The following SMARCA4 variants were observed in gnomAD, a reference collection of about 807,000 sequenced individuals.
SMARCA4 encodes the protein SWI/SNF related BAF chromatin remodeling complex subunit ATPase 4, also known as SWI/SNF-related matrix-associated actin-dependent regulator of chromatin subfamily A member 4.
Under a neutral mutation model 193.9 loss-of-function variants are expected in SMARCA4, and 31 were observed. The observed-to-expected ratio is 0.16, with a 90% confidence interval of 0.12 to 0.22. The LOEUF is 0.22. Among genes scored for constraint, SMARCA4 ranks in the 10% least tolerant of loss-of-function variants. SMARCA4 has a pLI of 1.00. For missense variants in SMARCA4, 1,148 were observed against 2,296.0 expected, an observed-to-expected ratio of 0.50 and a Z score of 10.22; for synonymous variants, 942 against 933.1, an observed-to-expected ratio of 1.01 and a Z score of -0.17.
In SMARCA4 at chr19:10,991,170, G is replaced by T; in HGVS notation, c.1266G>T (p.Val422=). ...FQRQLRQEVV[V]CMRRDTALET... ...TACAGCTGCGCCAGGAGGTGGTGGTGTGCATGCGGAGGGACACAGCGCTGG... is the reference window on the plus strand; with the variant it reads ...TACAGCTGCGCCAGGAGGTGGTGGTTTGCATGCGGAGGGACACAGCGCTGG... The change falls in exon 8 of 35, where the codon GTG becomes GTT. Residue 422 remains valine (V), a synonymous_variant. Transcript: ENST00000344626. The T allele has an allele frequency of 6.2e-7, 1 of 1,613,816 alleles. No individual in the cohort carries two copies.
Position 11,019,707 on chromosome 19 carries a change from G to A in SMARCA4, c.2616+6G>A, listed in dbSNP as rs766415751. On this transcript the variant is annotated splice_donor_region_variant and intron_variant, in intron 18 of 34. Transcript: ENST00000344626. This position sits in a 1 kb window ranked among gnomAD's most constrained non-coding sequence, Gnocchi z 6.1. ...ACAAGCACATCCTCGCCAAGGTAAC[G>A]TGTCCCTGTGGGAAATGCCAGGCCA... 12 of 1,599,340 alleles carry A rather than the reference G, an allele frequency of 7.5e-6. No individual in the cohort carries two copies. The highest frequency in any genetic ancestry group is 1.7e-4 in the Middle Eastern group (1 of 6,030).
chr19:11,013,705 C>T (rs1242460768), intron 16 of SMARCA4, among the ~76,000 whole-genome samples: 4 of 152,146 alleles, frequency 2.6e-5, no homozygotes, highest in Non-Finnish European at 4.4e-5. Flanking sequence ...ACAAGAACCT[C>T]CCACTAGAAA....
intron 15 of SMARCA4, among the ~76,000 whole-genome samples, chr19:11,011,516 C>T (rs914670108): frequency 2.6e-5 from 4 of 152,200 alleles, no homozygotes; most frequent in African/African-American, 7.2e-5. Context: ...TAAGCCAGTG[C>T]ACCCAGCCCC....
rs373390083 is a variant in SMARCA4, at chr19:11,041,385, A to G, written c.4249A>G (p.Ser1417Gly). ...KKSSRKRKRD[S>G]DAGSSTPTTS... ...ATCATCACGGAAGCGCAAGCGAGACAGCGACGCCGGCTCCTCCACCCCGAC... is the reference window on the plus strand; with the variant it reads ...ATCATCACGGAAGCGCAAGCGAGACGGCGACGCCGGCTCCTCCACCCCGAC... The change falls in exon 30 of 35, where the codon AGC (serine) becomes GGC (glycine). Residue 1417 changes from serine (S) to glycine (G), a missense_variant. Ser to Gly is a moderately conservative substitution (Grantham distance 56). Transcript: ENST00000344626. The surrounding 1 kb of genome is among the most constrained non-coding windows in gnomAD (Gnocchi z 5.6). 4.3e-6 allele frequency: 7 copies of G among 1,612,612 alleles called. No homozygotes were observed. In the African/African-American group the frequency reaches 9.3e-5, roughly 22 times the overall value.
chr19:11,023,829 A>G (rs911698137), intron 20 of SMARCA4, among the ~76,000 whole-genome samples, 198 bp downstream of exon 20: 15 of 152,344 alleles, frequency 9.8e-5, no homozygotes, highest in Non-Finnish European at 1.9e-4. Context: ...ATAGGCTCAC[A>G]TAGCTCACAA....
chr19:11,054,993 A>T (rs796579807), intron 30 of SMARCA4, among the ~76,000 whole-genome samples: 2 of 152,056 alleles, frequency 1.3e-5, no homozygotes, highest in African/African-American at 4.8e-5. Context: ...AGGCTGCAGC[A>T]TGTCCCTCTT....
At chr19:11,003,597 TTTAAA>T (rs1199539959) in intron 13 of SMARCA4, among the ~76,000 whole-genome samples, 200 bp downstream of exon 13, 5 of 152,320 alleles carry the variant, frequency 3.3e-5, no homozygotes, top group African/African-American at 1.2e-4. Context: ...CCATTTCCAT[TTTAAA>T]TTAAATCAGT....
Position 11,030,316 on chromosome 19 carries a change from C to T in SMARCA4, c.3383-414C>T, listed in dbSNP as rs756609856. On this transcript the variant is annotated intron_variant, in intron 24 of 34. Coordinates refer to ENST00000344626, the MANE Select transcript of SMARCA4 (RefSeq NM_003072.5). This position sits in a 1 kb window ranked among gnomAD's most constrained non-coding sequence, Gnocchi z 5.5. ...ACCCCCAGGTCCCTTGTGTTGCGAGCGGCGGTGTTGCCGGCATTGGCCGCT... is the reference window on the plus strand; with the variant it reads ...ACCCCCAGGTCCCTTGTGTTGCGAGTGGCGGTGTTGCCGGCATTGGCCGCT... Among the ~76,000 whole-genome samples, 8 of 152,254 alleles carry T rather than the reference C, an allele frequency of 5.3e-5. No homozygotes were observed. The highest frequency in any genetic ancestry group is 5.9e-5 in the Non-Finnish European group (4 of 68,050).
rs2074824324 is a variant in SMARCA4, at chr19:11,030,172, A to G, written c.3383-558A>G. On this transcript the variant is annotated intron_variant, in intron 24 of 34. Transcript: ENST00000344626. This position sits in a 1 kb window ranked among gnomAD's most constrained non-coding sequence, Gnocchi z 5.5. ...CATGGGGACACTGATCCTGCCAGAA[A>G]GGACACGAGCCCCCTTTATAAGGTC... is the stretch of plus-strand genomic sequence containing the variant. Among the ~76,000 whole-genome samples the G allele has an allele frequency of 6.6e-6, 1 of 152,184 alleles. No individual in the cohort carries two copies. Among genetic ancestry groups the G allele is most frequent in the Admixed American group, 6.5e-5 (1 of 15,276 alleles).
At chr19:10,974,619 T>A (rs2145578499) in intron 1 of SMARCA4, among the ~76,000 whole-genome samples, 1 of 144,558 alleles carries the variant, frequency 6.9e-6, no homozygotes, top group East Asian at 2.0e-4. Flanking sequence ...CTGACAGCGG[T>A]TTGTGCATGT....
At chr19:11,004,646 A>C (rs1229708865) in intron 13 of SMARCA4, among the ~76,000 whole-genome samples, 3 of 152,158 alleles carry the variant, frequency 2.0e-5, no homozygotes. Flanking sequence ...CTACAACAGC[A>C]TATGGGTTTT....
rs1427520334 is a variant in SMARCA4 at position 11,034,513 on chromosome 19, G to A, written c.3951+313G>A. On this transcript the variant is annotated intron_variant, in intron 28 of 34. Transcript: ENST00000344626. This position sits in a 1 kb window ranked among gnomAD's most constrained non-coding sequence, Gnocchi z 7.0. ...TCAGAGGGAGTTCGCCCTATCCAAGGCCAAGGGACTGACCAGGCCTTCAGT... is the reference window on the plus strand; with the variant it reads ...TCAGAGGGAGTTCGCCCTATCCAAGACCAAGGGACTGACCAGGCCTTCAGT... Among the ~76,000 whole-genome samples the A allele has an allele frequency of 1.3e-5, 2 of 152,148 alleles. No individual in the cohort carries two copies. The highest frequency in any genetic ancestry group is 2.9e-5 in the Non-Finnish European group (2 of 68,024).
intron 16 of SMARCA4, among the ~76,000 whole-genome samples, chr19:11,015,450 C>T (rs1481482671): frequency 2.6e-5 from 4 of 152,238 alleles, no homozygotes; most frequent in East Asian, 1.9e-4. Context: ...GATGTGATCG[C>T]GTGGAGCAAC....
chr19:11,026,796 G>T (rs1430905073), intron 23 of SMARCA4, among the ~76,000 whole-genome samples: 1 of 152,128 alleles, frequency 6.6e-6, no homozygotes, highest in Non-Finnish European at 1.5e-5. Flanking sequence ...ACCGCGCCCG[G>T]CCCCATTATA....
At chr19:11,027,388 A>G (rs1229821174) in intron 23 of SMARCA4, among the ~76,000 whole-genome samples, 1 of 152,144 alleles carries the variant, frequency 6.6e-6, no homozygotes, top group Admixed American at 6.5e-5. Context: ...GGTCTAGCAG[A>G]GCATGGGTGT....
chr19:11,061,798 T>C lies in SMARCA4; in HGVS notation c.4926T>C (p.Ser1642=), dbSNP rs1354883720. Residue 1642 remains serine (S), a synonymous_variant, in exon 35 of 35, where the codon AGT becomes AGC. Transcript: ENST00000344626. ...EEEQEEDRSG[S]GSEED ...CCCCTCTCCAGGACCGCTCAGGAAG[T>C]GGCAGCGAAGAAGACTGAGCCCCGA... The C allele has an allele frequency of 6.2e-7, 1 of 1,613,916 alleles. No homozygotes were observed. The highest frequency in any genetic ancestry group is 1.1e-5 in the South Asian group (1 of 91,086).
intron 30 of SMARCA4, among the ~76,000 whole-genome samples, chr19:11,052,527 C>G (rs1429438048): frequency 6.6e-6 from 1 of 152,220 alleles, no homozygotes; most frequent in African/African-American, 2.4e-5. Context: ...ACGGCCCCTA[C>G]AAACACCCAC....
At chr19:11,029,628 C>T (rs1462873708) in intron 24 of SMARCA4, among the ~76,000 whole-genome samples, 2 of 152,216 alleles carry the variant, frequency 1.3e-5, no homozygotes, top group African/African-American at 4.8e-5. Flanking sequence ...GGCTTCTGCA[C>T]CGTGCCTGGG....
chr19:11,031,324 C>G lies in SMARCA4; in HGVS notation c.3546+431C>G. On this transcript the variant is annotated intron_variant, in intron 25 of 34. Coordinates refer to ENST00000344626, the MANE Select transcript of SMARCA4 (RefSeq NM_003072.5). The surrounding 1 kb of genome is among the most constrained non-coding windows in gnomAD (Gnocchi z 4.3). Reference sequence around the variant, plus strand: ...TTTACTTCCTCCTCTTGTTCCATAACCATGTACCCCTCATGGGCCTCGGCA... The same window carrying G: ...TTTACTTCCTCCTCTTGTTCCATAAGCATGTACCCCTCATGGGCCTCGGCA... 1 of 246,426 alleles carries G rather than the reference C, an allele frequency of 4.1e-6. No individual in the cohort carries two copies. The highest frequency in any genetic ancestry group is 8.1e-6 in the Non-Finnish European group (1 of 123,000). The allele number at this position is 246,426 out of a possible 1,614,324, so 15.3% of individuals were successfully genotyped here. A position where few individuals can be genotyped will look rare whatever the true frequency, so the allele number is the denominator to read the frequency against.
Sources: gnomAD v4.1 joint callset for allele counts (sites outside exome capture counted in the v4.1 genomes callset) on GRCh38, gnomAD v4.1.1 for gene constraint, Gnocchi (gnomAD v3.1) non-coding constraint, MANE v1.5 for transcripts, NCBI Gene and HGNC (gene_info 2026-07-23, HGNC 2026-07-21) for gene names.